Variants in DOCK3 observed in about 807,000 individuals in gnomAD.
The protein encoded by DOCK3 is dedicator of cytokinesis protein 3.
In DOCK3, 60 loss-of-function variants were observed where a neutral mutation model predicts 265.6. The observed-to-expected ratio is 0.23, with a 90% CI of 0.18 to 0.28. The LOEUF (loss-of-function observed/expected upper bound fraction) is 0.28. DOCK3 is among the 10% of genes least tolerant of loss of function. The pLI, the probability that DOCK3 is intolerant of heterozygous loss-of-function variation, is 1.00. For missense variants in DOCK3, 1,981 were observed against 2,594.3 expected, an observed-to-expected ratio of 0.76 and a Z score of 5.14; for synonymous variants, 881 against 938.0, an observed-to-expected ratio of 0.94 and a Z score of 1.11.
intron 9 of DOCK3, among the ~76,000 whole-genome samples, chr3:51,135,295 A>G (rs2084743350): frequency 6.6e-6 from 1 of 152,206 alleles, no homozygotes; most frequent in Non-Finnish European, 1.5e-5. Flanking sequence ...CTCAGTTTTA[A>G]GACTGTGTCA....
chr3:50,719,849 C>T, intron 1 of DOCK3: 1 of 719,558 alleles, frequency 1.4e-6, no homozygotes, highest in East Asian at 2.6e-5. Flanking sequence ...CAAATGCATT[C>T]TTTCCAGTGC....
At chr3:50,763,637 A>G (rs2040670817) in intron 1 of DOCK3, among the ~76,000 whole-genome samples, 1 of 152,124 alleles carries the variant, frequency 6.6e-6, no homozygotes, top group Admixed American at 6.5e-5. Flanking sequence ...AAATTTGTCC[A>G]TTTACTCTAG....
At chr3:50,764,225 T>G (rs1263679491) in intron 1 of DOCK3, among the ~76,000 whole-genome samples, 1 of 152,186 alleles carries the variant, frequency 6.6e-6, no homozygotes, top group Non-Finnish European at 1.5e-5. Context: ...AGATTTCATA[T>G]TATTGCATAA....
chr3:50,926,259 T>C (rs2050753309), intron 4 of DOCK3, among the ~76,000 whole-genome samples: 1 of 152,216 alleles, frequency 6.6e-6, no homozygotes, highest in Admixed American at 6.5e-5. Flanking sequence ...ATATCCATTC[T>C]ACATCTGCTA....
chr3:50,825,673 T>C (rs2675836), intron 2 of DOCK3, among the ~76,000 whole-genome samples: 14,346 of 152,136 alleles, frequency 0.094, 840 homozygotes, highest in Non-Finnish European at 0.12. Flanking sequence ...ATCCTGTACT[T>C]GGCTCTCAAA....
chr3:50,889,066 GGTGTGTGTGTGTGT>G (rs36180907), intron 3 of DOCK3, among the ~76,000 whole-genome samples: 109 of 134,266 alleles, frequency 8.1e-4, no homozygotes, highest in African/African-American at 8.6e-4. Context: ...TTAAGCCATG[GGTGTGTGTGTGTGT>G]GTGTGTGTGT....
chr3:50,820,306 T>G (rs2044332148), intron 2 of DOCK3, among the ~76,000 whole-genome samples: 1 of 152,244 alleles, frequency 6.6e-6, no homozygotes, highest in Admixed American at 6.5e-5. Context: ...GGGTTTGCCC[T>G]GTGACAAGTA....
chr3:51,079,068 G>T (rs940502766), intron 7 of DOCK3, among the ~76,000 whole-genome samples: 2 of 152,118 alleles, frequency 1.3e-5, no homozygotes, highest in Non-Finnish European at 2.9e-5. Context: ...AGATTCAAAA[G>T]AATATCCTTT....
At chr3:50,873,803 G>A (rs1575415588) in intron 3 of DOCK3, among the ~76,000 whole-genome samples, 1 of 152,222 alleles carries the variant, frequency 6.6e-6, no homozygotes, top group South Asian at 2.1e-4. Context: ...ATTTATTCTG[G>A]TTTTTATTTC....
chr3:51,139,561 C>T (rs901972251), intron 9 of DOCK3, among the ~76,000 whole-genome samples: 4 of 152,084 alleles, frequency 2.6e-5, no homozygotes, highest in African/African-American at 7.2e-5. Flanking sequence ...TTATTGAGCA[C>T]CTATTATAGG....
At chr3:50,860,309 G>A (rs2046846345) in intron 3 of DOCK3, among the ~76,000 whole-genome samples, 1 of 152,214 alleles carries the variant, frequency 6.6e-6, no homozygotes, top group South Asian at 2.1e-4. Context: ...GTGCCAGAGA[G>A]GCTTTCAGAT....
chr3:51,159,338 A>C, intron 11 of DOCK3, 34 bp downstream of exon 11: 4 of 1,600,626 alleles, frequency 2.5e-6, no homozygotes, highest in Non-Finnish European at 3.4e-6. Context: ...CATGACTAAG[A>C]ATGGCCCAAC....
At chr3:51,341,500 G>T in intron 38 of DOCK3, 115 bp downstream of exon 38, 1 of 1,445,294 alleles carries the variant, frequency 6.9e-7, no homozygotes, top group Non-Finnish European at 9.5e-7. Context: ...TGGTGAGTGG[G>T]TGGGTGCCTA....
chr3:50,766,584 T>C (rs1029138523), intron 1 of DOCK3, among the ~76,000 whole-genome samples: 6 of 152,078 alleles, frequency 3.9e-5, no homozygotes, highest in African/African-American at 7.2e-5. Flanking sequence ...AATAAACATA[T>C]GTGTGCATGT....
chr3:51,115,212 A>G (rs1025610745), intron 9 of DOCK3, among the ~76,000 whole-genome samples: 23 of 152,150 alleles, frequency 1.5e-4, no homozygotes, highest in African/African-American at 5.6e-4. Flanking sequence ...TCCCTGAGGA[A>G]TCGCCACACT....
chr3:51,081,410 A>G (rs1193816692), intron 7 of DOCK3, among the ~76,000 whole-genome samples: 1 of 152,202 alleles, frequency 6.6e-6, no homozygotes, highest in Non-Finnish European at 1.5e-5. Context: ...GACTTTCTAT[A>G]ATAACTAATT....
At chr3:51,306,063 G>A (rs1313406279) in intron 27 of DOCK3, among the ~76,000 whole-genome samples, 5 of 147,986 alleles carry the variant, frequency 3.4e-5, no homozygotes, top group South Asian at 2.1e-4. Flanking sequence ...ATGGGGTCTC[G>A]CTATGTTGCT....
chr3:51,017,508 T>G (rs1182539354), intron 5 of DOCK3, among the ~76,000 whole-genome samples: 1 of 151,886 alleles, frequency 6.6e-6, no homozygotes, highest in East Asian at 1.9e-4. Context: ...CTATAAATGT[T>G]CCTCTTAGTA....
At chr3:51,009,590 TG>T (rs2078857349) in intron 5 of DOCK3, among the ~76,000 whole-genome samples, 1 of 152,322 alleles carries the variant, frequency 6.6e-6, no homozygotes, top group East Asian at 1.9e-4. Context: ...ATTGAATTTT[TG>T]AAGGGTTTTT....
Sources: allele counts gnomAD v4.1 joint callset (sites outside exome capture counted in the v4.1 genomes callset), GRCh38; gene constraint gnomAD v4.1.1; transcripts MANE v1.5; gene names NCBI Gene and HGNC (gene_info 2026-07-23, HGNC 2026-07-21).